Variants in EPHA7 observed in about 807,000 individuals in gnomAD.
The protein encoded by EPHA7 is EPH receptor A7, also known as ephrin type-A receptor 7.
In EPHA7, 25 loss-of-function variants were observed where a neutral mutation model predicts 112.6. That is an observed-to-expected ratio of 0.22 (90% CI 0.16 to 0.31). EPHA7 has a LOEUF of 0.31. Among genes scored for constraint, EPHA7 ranks in the 10% least tolerant of loss-of-function variants. EPHA7 has a pLI of 1.00. For synonymous variants in EPHA7, 437 were observed against 406.5 expected (o/e 1.07, Z -0.90); for missense variants, 962 against 1,212.6 (o/e 0.79, Z 3.07).
intron 5 of EPHA7, among the ~76,000 whole-genome samples, chr6:93,345,782 A>G (rs546492146): frequency 6.6e-6 from 1 of 151,830 alleles, no homozygotes; most frequent in South Asian, 2.1e-4. Context: ...TAAAACTGTT[A>G]ATGATTCTTG....
intron 5 of EPHA7, among the ~76,000 whole-genome samples, chr6:93,327,900 C>A (rs901536470): frequency 6.6e-6 from 1 of 151,474 alleles, no homozygotes; most frequent in Non-Finnish European, 1.5e-5. Flanking sequence ...CCGTTTAAAT[C>A]CCTCCAATGG....
rs1779324536 is a variant in EPHA7, at chr6:93,417,938, G to A, written c.97+1307C>T. 2.0e-5 allele frequency among the ~76,000 whole-genome samples: 3 copies of A among 152,110 alleles called. No homozygotes were observed. The South Asian group carries it at 6.2e-4, about 32-fold the overall frequency. On this transcript the variant is annotated intron_variant, in intron 1 of 16. Coordinates refer to ENST00000369303, the MANE Select transcript of EPHA7 (RefSeq NM_004440.4). ...TGAGGGGGGCTTGAGCGAACTAAGA[G>A]GAGTGCACGATGAGAATAAAGAAAA...
chr6:93,357,276 C>T (rs753686475), intron 4 of EPHA7, among the ~76,000 whole-genome samples: 1 of 152,036 alleles, frequency 6.6e-6, no homozygotes, highest in Non-Finnish European at 1.5e-5. Flanking sequence ...TATTTATTTT[C>T]CTTTTAATAC....
chr6:93,246,626 C>A (rs929221311), intron 15 of EPHA7, among the ~76,000 whole-genome samples, 166 bp downstream of exon 15: 2 of 151,910 alleles, frequency 1.3e-5, no homozygotes, highest in African/African-American at 4.8e-5. Context: ...TTAAGGTAAG[C>A]CTAACTGAAA....
chr6:93,299,358 A>ATAAAG (rs1772849845), intron 5 of EPHA7, among the ~76,000 whole-genome samples: 1 of 143,974 alleles, frequency 6.9e-6, no homozygotes, highest in African/African-American at 2.7e-5. Context: ...TAAAATAAAG[A>ATAAAG]AAAAAAAAAG....
chr6:93,306,760 C>T (rs569785542), intron 5 of EPHA7, among the ~76,000 whole-genome samples: 1 of 152,042 alleles, frequency 6.6e-6, no homozygotes, highest in South Asian at 2.1e-4. Context: ...CTTTCCAAAG[C>T]ATTAGACAAT....
In EPHA7 at chr6:93,356,833, A is replaced by G; in HGVS notation, c.1208T>C (p.Met403Thr). ...TGLEDNYVTV[M>T]DLLAHANYTF... is the part of the protein sequence containing the mutation. The stretch of plus-strand genomic sequence containing the variant: ...ATAATTAGCGTGGGCTAGCAGGTCC[A>G]TGACAGTGACATAGTTATCCTCTAA... The change falls in exon 5 of 17, where the codon ATG (methionine) becomes ACG (threonine). Residue 403 changes from methionine (M) to threonine (T), a missense_variant. Around this residue, in one of 3 missense-constraint regions of EPHA7, gnomAD observed 746 missense variants for 889.2 expected, o/e 0.84. Transcript: ENST00000369303. 6.2e-7 allele frequency: 1 copy of G among 1,614,204 alleles called. No homozygotes were observed. Among genetic ancestry groups the G allele is most frequent in the East Asian group, 2.2e-5 (1 of 44,860 alleles).
At chr6:93,285,745 TC>T (rs1772030308) in intron 5 of EPHA7, among the ~76,000 whole-genome samples, 1 of 152,184 alleles carries the variant, frequency 6.6e-6, no homozygotes, top group South Asian at 2.1e-4. Context: ...CATATGAAGT[TC>T]CGGCTTTATT....
In EPHA7 at chr6:93,322,413, T is replaced by C. The variant is rs117578896; in HGVS notation, c.1324+34304A>G. Among the ~76,000 whole-genome samples, 172 of 151,814 alleles carry C rather than the reference T, an allele frequency of 1.1e-3. 3 individuals carry two copies. In the East Asian group the frequency reaches 0.029, roughly 26 times the overall value. On this transcript the variant is annotated intron_variant, in intron 5 of 16. Coordinates refer to ENST00000369303, the MANE Select transcript of EPHA7 (RefSeq NM_004440.4). ...CTGCAAGCAATTCCTTTTTTTGTCT[T>C]GTTTTATAAAATATAAAGCCCCCCA...
chr6:93,273,444 G>A (rs984040134), intron 5 of EPHA7, among the ~76,000 whole-genome samples: 13 of 151,896 alleles, frequency 8.6e-5, no homozygotes, highest in African/African-American at 2.7e-4. Context: ...GGACCAAGCC[G>A]TTTAAGCAAC....
rs1338406822 is a variant in EPHA7 at position 93,260,812 on chromosome 6, AAAG to A, written c.1799-1336_1799-1334del. 1.4e-5 allele frequency: 12 copies of A among 872,328 alleles called. No individual in the cohort carries two copies. The South Asian group carries it at 4.8e-4, about 35-fold the overall frequency. 54.0% of individuals were successfully genotyped at this position (872,328 alleles called of 1,614,324 possible). A position where few individuals can be genotyped will look rare whatever the true frequency, so the allele number is the denominator to read the frequency against. On this transcript the variant is annotated intron_variant, in intron 9 of 16. Coordinates refer to ENST00000369303, the MANE Select transcript of EPHA7 (RefSeq NM_004440.4). ...TGAAAAAAAAAACAACACGAGAAGA[AAAG>A]AGAGAGGGGATAGAAGGAGAAAAGA...
At chr6:93,371,677 T>G (rs1776806173) in intron 3 of EPHA7, among the ~76,000 whole-genome samples, 6 of 152,234 alleles carry the variant, frequency 3.9e-5, no homozygotes, top group Admixed American at 3.9e-4. Flanking sequence ...CATTGAAAGT[T>G]CTTACAAAGG....
intron 9 of EPHA7, among the ~76,000 whole-genome samples, chr6:93,261,605 A>G (rs1177755148): frequency 6.6e-6 from 1 of 151,586 alleles, no homozygotes; most frequent in Non-Finnish European, 1.5e-5. Context: ...GTTTTAAAAT[A>G]AGGAAAATAC....
At chr6:93,398,212 C>G (rs1778273130) in intron 3 of EPHA7, among the ~76,000 whole-genome samples, 1 of 151,876 alleles carries the variant, frequency 6.6e-6, no homozygotes, top group Admixed American at 6.6e-5. Flanking sequence ...TTGAAACACA[C>G]CATAACAGAA....
intron 5 of EPHA7, among the ~76,000 whole-genome samples, chr6:93,333,326 T>C (rs1211634755): frequency 6.6e-6 from 1 of 151,874 alleles, no homozygotes; most frequent in African/African-American, 2.4e-5. Context: ...TTTGCTACTG[T>C]AAATTGTGCT....
chr6:93,373,885 T>C (rs547752616), intron 3 of EPHA7, among the ~76,000 whole-genome samples: 112 of 152,118 alleles, frequency 7.4e-4, no homozygotes, highest in Non-Finnish European at 1.3e-3. Flanking sequence ...ATTTGACATA[T>C]ACTAGTACAT....
At chr6:93,326,120 T>C (rs1053547068) in intron 5 of EPHA7, among the ~76,000 whole-genome samples, 2 of 151,380 alleles carry the variant, frequency 1.3e-5, no homozygotes, top group African/African-American at 4.8e-5. Context: ...GAAAATCTCA[T>C]AAGAACGCTA....
At chr6:93,269,142 C>T (rs1243733562) in intron 7 of EPHA7, among the ~76,000 whole-genome samples, 1 of 151,714 alleles carries the variant, frequency 6.6e-6, no homozygotes, top group East Asian at 1.9e-4. Flanking sequence ...GATGGACACA[C>T]TTAGAATAAG....
chr6:93,417,910 G>A lies in EPHA7; in HGVS notation c.97+1335C>T, dbSNP rs3799786. Among the ~76,000 whole-genome samples the A allele has an allele frequency of 2.2e-4, 33 of 152,096 alleles. No individual in the cohort carries two copies. The East Asian group carries it at 3.7e-3, about 17-fold the overall frequency. On this transcript the variant is annotated intron_variant, in intron 1 of 16. Coordinates refer to ENST00000369303, the MANE Select transcript of EPHA7 (RefSeq NM_004440.4). ...AAGAAGGACTAGAATTTGGCGCCGG[G>A]TTTGAGGGGGGCTTGAGCGAACTAA...
Sources: gnomAD v4.1 joint callset for allele counts (sites outside exome capture counted in the v4.1 genomes callset) on GRCh38, gnomAD v4.1.1 for gene constraint, gnomAD v4.1.1 regional missense constraint, MANE v1.5 for transcripts, NCBI Gene and HGNC (gene_info 2026-07-23, HGNC 2026-07-21) for gene names.